The following MCC variants were observed in gnomAD, a reference collection of about 807,000 sequenced individuals.
MCC encodes MCC regulator of Wnt signaling pathway.
In MCC, 90 loss-of-function variants were observed where a neutral mutation model predicts 116.2. That is an observed-to-expected ratio of 0.77 (90% CI 0.65 to 0.92). The LOEUF (loss-of-function observed/expected upper bound fraction) is 0.92. Among genes scored for constraint, MCC ranks in the 40% least tolerant of loss-of-function variants. The pLI is 0.00. For synonymous variants in MCC, 578 were observed against 510.5 expected (o/e 1.13, Z -1.78); for missense variants, 1,516 against 1,312.2 (o/e 1.16, Z -2.40).
At chr5:113,464,991 C>A (rs1771855185) in intron 1 of MCC, among the ~76,000 whole-genome samples, 2 of 151,930 alleles carry the variant, frequency 1.3e-5, no homozygotes, top group African/African-American at 2.4e-5. Flanking sequence ...GCAGAGATAT[C>A]AATTCTCTTT....
At chr5:113,130,844 G>A (rs1004564857) in intron 5 of MCC, among the ~76,000 whole-genome samples, 1 of 152,148 alleles carries the variant, frequency 6.6e-6, no homozygotes, top group Non-Finnish European at 1.5e-5. Context: ...GCAGAACTGT[G>A]AGCCAAATAA....
Position 113,340,717 on chromosome 5 carries a change from T to C in MCC, c.429A>G (p.Ala143=), listed in dbSNP as rs746514965. Residue 143 remains alanine, a synonymous_variant, in exon 3 of 19, where the codon GCA becomes GCG. Coordinates refer to ENST00000408903, the MANE Select transcript of MCC (RefSeq NM_001085377.2). ...SSDNSLGALS[A]ARESWEYDSG... ...AGTCGTATTCCCAGCTCTCCCTGGC[T>C]GCTGATAAGGCACCTAAGTCCGAGA... is the stretch of plus-strand genomic sequence containing the variant. The C allele has an allele frequency of 3.7e-6, 6 of 1,613,386 alleles. No homozygotes were observed. The highest frequency in any genetic ancestry group is 5.1e-6 in the Non-Finnish European group (6 of 1,179,984).
intron 6 of MCC, among the ~76,000 whole-genome samples, chr5:113,122,161 A>G (rs987647775): frequency 6.6e-6 from 1 of 152,216 alleles, no homozygotes; most frequent in Non-Finnish European, 1.5e-5. Context: ...TTACACATGG[A>G]TATTTCTCTA....
chr5:113,375,094 C>T (rs546052326), intron 2 of MCC, among the ~76,000 whole-genome samples: 33 of 151,870 alleles, frequency 2.2e-4, no homozygotes, highest in Admixed American at 5.9e-4. Flanking sequence ...TCATATAACT[C>T]GGTATGATGC....
intron 3 of MCC, among the ~76,000 whole-genome samples, chr5:113,182,845 T>G (rs1199012693): frequency 6.6e-6 from 1 of 152,122 alleles, no homozygotes; most frequent in Non-Finnish European, 1.5e-5. Context: ...GGCGGGAAGG[T>G]ATAAACACCC....
chr5:113,039,112 G>A (rs6594662), intron 17 of MCC, among the ~76,000 whole-genome samples: 101,721 of 152,136 alleles, frequency 0.67, 34,798 homozygotes, highest in Non-Finnish European at 0.74. Context: ...ACCATGCTCT[G>A]CTCCTCACCA....
intron 3 of MCC, among the ~76,000 whole-genome samples, chr5:113,281,398 G>A (rs1766042136): frequency 6.6e-6 from 1 of 152,086 alleles, no homozygotes; most frequent in African/African-American, 2.4e-5. Context: ...TTATCTCCAG[G>A]AAAGAATGGT....
At chr5:113,133,995 C>G (rs1317384563) in intron 5 of MCC, among the ~76,000 whole-genome samples, 1 of 152,162 alleles carries the variant, frequency 6.6e-6, no homozygotes, top group Non-Finnish European at 1.5e-5. Flanking sequence ...TGCCAATGGA[C>G]AGTGTGCAAA....
chr5:113,384,105 TA>T, intron 2 of MCC, among the ~76,000 whole-genome samples: 1 of 152,130 alleles, frequency 6.6e-6, no homozygotes, highest in East Asian at 1.9e-4. Context: ...TCAAACATAC[TA>T]AAAAATATGT....
intron 3 of MCC, chr5:113,294,845 G>T (rs983069375): frequency 2.0e-6 from 2 of 985,938 alleles, no homozygotes; most frequent in Non-Finnish European, 2.4e-6. Flanking sequence ...GAAGATCCGC[G>T]CCTCGGATTC....
chr5:113,352,083 C>T (rs909104724), intron 2 of MCC, among the ~76,000 whole-genome samples: 1 of 152,086 alleles, frequency 6.6e-6, no homozygotes, highest in Admixed American at 6.6e-5. Context: ...ATAATAGCTT[C>T]CACATAAATG....
At chr5:113,093,564 T>C (rs114644693) in intron 8 of MCC, among the ~76,000 whole-genome samples, 4 of 151,828 alleles carry the variant, frequency 2.6e-5, no homozygotes, top group Admixed American at 6.6e-5. Flanking sequence ...AAGTGAGATG[T>C]TGGGGGGATT....
intron 1 of MCC, among the ~76,000 whole-genome samples, chr5:113,388,924 G>A (rs1173586762): frequency 2.0e-5 from 3 of 152,002 alleles, no homozygotes; most frequent in Non-Finnish European, 2.9e-5. Context: ...CTAGCATCTC[G>A]GACATTAATA....
At position 113,128,593 on chromosome 5, in the gene MCC, G is replaced by A. The variant is rs185399444; in HGVS notation, c.885-5767C>T. Among the ~76,000 whole-genome samples, 9 of 152,202 alleles carry A rather than the reference G, an allele frequency of 5.9e-5. No homozygotes were observed. In the East Asian group the frequency reaches 1.7e-3, roughly 29 times the overall value. ...CAGACTCATCTATGAATCTTTTGGT[G>A]AATAATTGAACAAATGGGATTTTGA... On this transcript the variant is annotated intron_variant, in intron 5 of 18. Coordinates refer to ENST00000408903, the MANE Select transcript of MCC (RefSeq NM_001085377.2).
At chr5:113,230,967 G>T (rs1026837036) in intron 3 of MCC, among the ~76,000 whole-genome samples, 1 of 152,042 alleles carries the variant, frequency 6.6e-6, no homozygotes, top group Non-Finnish European at 1.5e-5. Context: ...AGATGAGCCC[G>T]ACAAACACTC....
intron 16 of MCC, among the ~76,000 whole-genome samples, chr5:113,046,118 A>AC: frequency 6.6e-6 from 1 of 152,138 alleles, no homozygotes; most frequent in Non-Finnish European, 1.5e-5. Context: ...TACCTGAAAA[A>AC]CACAACATAC....
chr5:113,389,117 A>G (rs992633059), intron 1 of MCC, among the ~76,000 whole-genome samples: 1 of 152,246 alleles, frequency 6.6e-6, no homozygotes, highest in Non-Finnish European at 1.5e-5. Flanking sequence ...GTTACCAACA[A>G]GATGAGAAAA....
At chr5:113,362,765 T>C (rs1026863701) in intron 2 of MCC, among the ~76,000 whole-genome samples, 2 of 152,254 alleles carry the variant, frequency 1.3e-5, no homozygotes, top group Admixed American at 1.3e-4. Flanking sequence ...GTAAAATATA[T>C]ATATTTAGAT....
chr5:113,046,706 A>AAAAAAAAAAAAAAAAAAAAAAAC (rs1752107325), intron 16 of MCC, among the ~76,000 whole-genome samples: 1 of 121,658 alleles, frequency 8.2e-6, no homozygotes, highest in Non-Finnish European at 1.8e-5. Flanking sequence ...AAAAAAAAAA[A>AAAAAAAAAAAAAAAAAAAAAAAC]AAAAAGAGAG....
Sources: gnomAD v4.1 joint callset for allele counts (sites outside exome capture counted in the v4.1 genomes callset) on GRCh38, gnomAD v4.1.1 for gene constraint, MANE v1.5 for transcripts, NCBI Gene and HGNC (gene_info 2026-07-23, HGNC 2026-07-21) for gene names.